The following UBXN7 variants were observed in gnomAD, a reference collection of about 807,000 sequenced individuals.
The protein encoded by UBXN7 is UBX domain protein 7, also known as UBX domain-containing protein 7.
A neutral mutation model predicts 58.0 loss-of-function variants in UBXN7; 9 were observed. The observed-to-expected ratio is 0.16, with a 90% CI of 0.09 to 0.27. UBXN7 has a LOEUF of 0.27. UBXN7 is among the 10% of genes least tolerant of loss of function. UBXN7 has a pLI of 1.00. For synonymous variants in UBXN7, 208 were observed against 205.0 expected (o/e 1.01, Z -0.12); for missense variants, 328 against 599.6 (o/e 0.55, Z 4.73).
At chr3:196,363,896 C>T (rs1448069934) in intron 8 of UBXN7, among the ~76,000 whole-genome samples, 2 of 150,674 alleles carry the variant, frequency 1.3e-5, no homozygotes, top group African/African-American at 4.9e-5. Context: ...GCACCCCAGC[C>T]TGGTGACAGA....
Position 196,349,087 on chromosome 3 carries a change from G to C in UBXN7, c.*7598C>G, listed in dbSNP as rs1349342127. 1 of 152,228 alleles carries C rather than the reference G, an allele frequency of 6.6e-6. No individual in the cohort carries two copies. Among genetic ancestry groups the C allele is most frequent in the Non-Finnish European group, 1.5e-5 (1 of 68,046 alleles). 9.4% of individuals were successfully genotyped at this position (152,228 alleles called of 1,614,324 possible). A position where few individuals can be genotyped will look rare whatever the true frequency, so the allele number is the denominator to read the frequency against. On this transcript the variant is annotated 3_prime_UTR_variant, in exon 11 of 11. Transcript: ENST00000296328. ...ACAGATTCATGCCAAAGCTTGGATG[G>C]AAGCCCCTCAAAGTCTAAGTATCGT...
intron 5 of UBXN7, among the ~76,000 whole-genome samples, chr3:196,389,360 G>T (rs1729508473): frequency 6.6e-6 from 1 of 152,128 alleles, no homozygotes; most frequent in Non-Finnish European, 1.5e-5. Flanking sequence ...GCTTATTACT[G>T]ACAAAAAGAA....
At position 196,347,804 on chromosome 3, in the gene UBXN7, G is replaced by A. The variant is rs1728120489; in HGVS notation, c.*8881C>T. 6.6e-6 allele frequency: 1 copy of A among 152,112 alleles called. No homozygotes were observed. The highest frequency in any genetic ancestry group is 1.5e-5 in the Non-Finnish European group (1 of 68,018). The allele number at this position is 152,112 out of a possible 1,614,324, so 9.4% of individuals were successfully genotyped here. ...CCCTCTCTCAGCACAGTGAGCTGAT[G>A]TCTTCAAAAGACTTATCGTCCCACT... On this transcript the variant is annotated 3_prime_UTR_variant, in exon 11 of 11. Transcript: ENST00000296328.
At chr3:196,373,728 T>C (rs1400860230) in intron 5 of UBXN7, among the ~76,000 whole-genome samples, 2 of 152,166 alleles carry the variant, frequency 1.3e-5, no homozygotes, top group Non-Finnish European at 1.5e-5. Flanking sequence ...TTTTGTTGTT[T>C]ATATTTTTTG....
intron 5 of UBXN7, 74 bp downstream of exon 5, chr3:196,391,739 A>T: frequency 8.6e-7 from 1 of 1,157,022 alleles, no homozygotes; most frequent in South Asian, 1.3e-5. Context: ...CTCTAAAACA[A>T]GTAATTTTTT....
intron 1 of UBXN7, among the ~76,000 whole-genome samples, chr3:196,410,430 C>T (rs911105661): frequency 1.3e-5 from 2 of 152,162 alleles, no homozygotes; most frequent in Non-Finnish European, 2.9e-5. Flanking sequence ...ACCTCAATTA[C>T]TTCAATAGGC....
At chr3:196,423,386 G>A in intron 1 of UBXN7, 1 of 227,726 alleles carries the variant, frequency 4.4e-6, no homozygotes, top group South Asian at 4.6e-5. Flanking sequence ...GTGCCTGTGT[G>A]GGCCAATGGA....
chr3:196,384,691 G>A (rs569663374), intron 5 of UBXN7, among the ~76,000 whole-genome samples: 233 of 152,174 alleles, frequency 1.5e-3, no homozygotes, highest in Non-Finnish European at 1.9e-3. Context: ...CAGAACCAAC[G>A]ACAAAAACCA....
intron 8 of UBXN7, among the ~76,000 whole-genome samples, chr3:196,367,218 C>T (rs559197172): frequency 5.9e-5 from 9 of 151,286 alleles, no homozygotes; most frequent in African/African-American, 2.2e-4. Flanking sequence ...CAAAACAAAA[C>T]TATTTTTATC....
chr3:196,385,939 G>T (rs1294598054), intron 5 of UBXN7, among the ~76,000 whole-genome samples: 1 of 152,200 alleles, frequency 6.6e-6, no homozygotes, highest in African/African-American at 2.4e-5. Context: ...AATAGAAGGG[G>T]GGGAAATGTA....
intron 1 of UBXN7, among the ~76,000 whole-genome samples, chr3:196,409,937 A>C (rs1730269568): frequency 7.1e-6 from 1 of 141,724 alleles, no homozygotes; most frequent in Non-Finnish European, 1.5e-5. Context: ...ATTTTAAAAG[A>C]AACTTTTTTT....
chr3:196,369,427 G>T lies in UBXN7; in HGVS notation c.700C>A (p.Arg234=), dbSNP rs768693016. 6.2e-7 allele frequency: 1 copy of T among 1,610,512 alleles called. No homozygotes were observed. Among genetic ancestry groups the T allele is most frequent in the Non-Finnish European group, 8.5e-7 (1 of 1,177,464 alleles). ...DFPYVSILDP[R]TGQKLVEWHQ... The stretch of plus-strand genomic sequence containing the variant: ...GTGCTGATATAAATCTTACCTGTCC[G>T]TGGGTCCAATATGGAAACATAGGGG... Residue 234 remains arginine (R), a synonymous_variant, in exon 7 of 11, where the codon CGG becomes AGG. Transcript: ENST00000296328.
At chr3:196,362,157 C>G (rs1335913624) in intron 9 of UBXN7, 137 bp downstream of exon 9, 3 of 1,232,606 alleles carry the variant, frequency 2.4e-6, no homozygotes, top group Non-Finnish European at 3.3e-6. Flanking sequence ...CCACACCTGG[C>G]TAAGTTTTGT....
Position 196,357,023 on chromosome 3 carries a change from G to A in UBXN7, c.1309-177C>T, listed in dbSNP as rs185716952. On this transcript the variant is annotated intron_variant, in intron 10 of 10. Coordinates refer to ENST00000296328, the MANE Select transcript of UBXN7 (RefSeq NM_015562.2). ...GAAGGGCCAATATAAACCTTTGGACGGGGAGATAAATCTGACCCCAATTAC... is the reference window on the plus strand; with the variant it reads ...GAAGGGCCAATATAAACCTTTGGACAGGGAGATAAATCTGACCCCAATTAC... Among the ~76,000 whole-genome samples, 39 of 152,272 alleles carry A rather than the reference G, an allele frequency of 2.6e-4. No homozygotes were observed. In the East Asian group the frequency reaches 6.0e-3, roughly 23 times the overall value.
At chr3:196,384,201 A>G (rs1277368717) in intron 5 of UBXN7, among the ~76,000 whole-genome samples, 1 of 152,246 alleles carries the variant, frequency 6.6e-6, no homozygotes, top group Non-Finnish European at 1.5e-5. Flanking sequence ...AAAATCTAGA[A>G]GAAATGGGCA....
At chr3:196,358,343 A>G (rs2108825322) in intron 10 of UBXN7, among the ~76,000 whole-genome samples, 1 of 152,256 alleles carries the variant, frequency 6.6e-6, no homozygotes, top group South Asian at 2.1e-4. Context: ...TAGTCATTTC[A>G]GTTGGGTTTC....
At chr3:196,372,793 C>T (rs866989276) in intron 5 of UBXN7, among the ~76,000 whole-genome samples, 9 of 150,396 alleles carry the variant, frequency 6.0e-5, no homozygotes, top group Middle Eastern at 3.3e-3. Flanking sequence ...TTGCCTAAGT[C>T]GGAGAACAAT....
intron 1 of UBXN7, among the ~76,000 whole-genome samples, chr3:196,415,953 G>A (rs1730467816): frequency 6.6e-6 from 1 of 152,118 alleles, no homozygotes; most frequent in Admixed American, 6.6e-5. Context: ...CTCAATGTAT[G>A]GACCAAACTT....
chr3:196,368,507 TAAGTATCTCTTTCAGCAC>T (rs1310225873), intron 7 of UBXN7, among the ~76,000 whole-genome samples: 1 of 152,204 alleles, frequency 6.6e-6, no homozygotes, highest in Non-Finnish European at 1.5e-5. Context: ...ACATTCTCAT[TAAGTATCTCTTTCAGCAC>T]ATGCATAAAG....
Sources: gnomAD v4.1 joint callset for allele counts (sites outside exome capture counted in the v4.1 genomes callset) on GRCh38, gnomAD v4.1.1 for gene constraint, MANE v1.5 for transcripts, NCBI Gene and HGNC (gene_info 2026-07-23, HGNC 2026-07-21) for gene names.